The following L3MBTL4 variants were observed in gnomAD, a reference collection of about 807,000 sequenced individuals.
L3MBTL4 encodes lethal(3)malignant brain tumor-like protein 4.
Under a neutral mutation model 84.5 loss-of-function variants are expected in L3MBTL4, and 70 were observed. The ratio of observed to expected loss-of-function variants is 0.83; its 90% CI spans 0.68 to 1.01. The LOEUF is 1.01. Ranked by LOEUF, L3MBTL4 falls within the 50% of genes least tolerant of loss-of-function variation. The pLI is 0.00. For synonymous variants in L3MBTL4, 274 were observed against 259.8 expected (o/e 1.05, Z -0.52); for missense variants, 715 against 754.8 (o/e 0.95, Z 0.62).
At chr18:6,210,150 T>C (rs961028287) in intron 12 of L3MBTL4, among the ~76,000 whole-genome samples, 4 of 152,176 alleles carry the variant, frequency 2.6e-5, no homozygotes, top group African/African-American at 9.7e-5. Flanking sequence ...AAAAAAGGTA[T>C]AATAAAAATA....
At chr18:6,397,270 G>C (rs1053683882) in intron 1 of L3MBTL4, 2 of 152,118 alleles carry the variant, frequency 1.3e-5, no homozygotes, top group Non-Finnish European at 2.9e-5. Context: ...AAGTAAATAA[G>C]CACATTATCT....
At chr18:5,977,289 A>G (rs2052991292) in intron 16 of L3MBTL4, among the ~76,000 whole-genome samples, 1 of 152,106 alleles carries the variant, frequency 6.6e-6, no homozygotes, top group Admixed American at 6.5e-5. Context: ...CCGTCTCCTC[A>G]TGGTTTCCTC....
chr18:6,091,840 A>G, intron 15 of L3MBTL4, among the ~76,000 whole-genome samples: 1 of 152,250 alleles, frequency 6.6e-6, no homozygotes, highest in Non-Finnish European at 1.5e-5. Context: ...AAAATACAAC[A>G]GATTATAGCA....
At chr18:6,297,472 G>C (rs1425493687) in intron 4 of L3MBTL4, among the ~76,000 whole-genome samples, 1 of 152,148 alleles carries the variant, frequency 6.6e-6, no homozygotes, top group Non-Finnish European at 1.5e-5. Flanking sequence ...AGGAGAAACT[G>C]GGTGAAGGGT....
chr18:6,167,807 A>G (rs1338494578), intron 13 of L3MBTL4, among the ~76,000 whole-genome samples: 2 of 152,226 alleles, frequency 1.3e-5, no homozygotes, highest in African/African-American at 4.8e-5. Context: ...TATTCAACAT[A>G]GTATTGGAAG....
rs534728254 is a variant in L3MBTL4, at chr18:6,087,651, A to G, written c.1373+5704T>C. Among the ~76,000 whole-genome samples the G allele has an allele frequency of 1.4e-3, 220 of 152,268 alleles. 1 individual carries two copies. The highest frequency in any genetic ancestry group is 4.8e-3 in the African/African-American group (200 of 41,560). On this transcript the variant is annotated intron_variant, in intron 15 of 18. Coordinates refer to ENST00000317931, the MANE Select transcript of L3MBTL4 (RefSeq NM_001330559.2). ...GGGCTTAATTTAGTTATAGATACTG[A>G]GTATTATCTTAGACCAAATAAATAA...
intron 1 of L3MBTL4, among the ~76,000 whole-genome samples, chr18:6,370,903 G>A (rs17411276): frequency 0.13 from 19,146 of 152,184 alleles, 1,263 homozygotes; most frequent in East Asian, 0.14. Flanking sequence ...ACCAACCAGC[G>A]CTTATCTTTC....
At chr18:6,411,893 A>C (rs1318518099) in intron 1 of L3MBTL4, among the ~76,000 whole-genome samples, 3 of 152,200 alleles carry the variant, frequency 2.0e-5, no homozygotes, top group Non-Finnish European at 4.4e-5. Flanking sequence ...ACAACGCAAA[A>C]TCATTTTGCT....
intron 1 of L3MBTL4, among the ~76,000 whole-genome samples, chr18:6,401,895 C>T (rs1237214133): frequency 1.3e-5 from 2 of 152,188 alleles, no homozygotes; most frequent in Non-Finnish European, 2.9e-5. Context: ...AGGGGCGCAG[C>T]GCCATCAAGG....
chr18:5,958,130 A>ATG (rs2095242439), intron 18 of L3MBTL4, among the ~76,000 whole-genome samples: 1 of 31,814 alleles, frequency 3.1e-5, no homozygotes, highest in Non-Finnish European at 7.8e-5. Context: ...AGAAGAAGAA[A>ATG]AAGAAGAAGA....
Position 6,281,405 on chromosome 18 carries a change from T to C in L3MBTL4, c.128-17367A>G, listed in dbSNP as rs566787759. On this transcript the variant is annotated intron_variant, in intron 4 of 18. Coordinates refer to ENST00000317931, the MANE Select transcript of L3MBTL4 (RefSeq NM_001330559.2). Reference sequence around the variant, plus strand: ...CTACTGTTTTTGTACATAAAGCTTATGGTGTTAATTCTCCAAAATAGTTTT... The same window carrying C: ...CTACTGTTTTTGTACATAAAGCTTACGGTGTTAATTCTCCAAAATAGTTTT... Among the ~76,000 whole-genome samples the C allele has an allele frequency of 5.9e-5, 9 of 152,344 alleles. No homozygotes were observed. In the East Asian group the frequency reaches 1.7e-3, roughly 29 times the overall value.
Position 6,263,941 on chromosome 18 carries a change from G to T in L3MBTL4, c.219+6C>A, listed in dbSNP as rs747705721. 2 of 1,606,876 alleles carry T rather than the reference G, an allele frequency of 1.2e-6. No homozygotes were observed. The highest frequency in any genetic ancestry group is 1.7e-6 in the Non-Finnish European group (2 of 1,173,322). ...TTGCAAAAATATAAGTCCTTCAGTG[G>T]CTGACCTTGGAAAACAGCTCAACAG... On this transcript the variant is annotated splice_donor_region_variant and intron_variant, in intron 5 of 18. Coordinates refer to ENST00000317931, the MANE Select transcript of L3MBTL4 (RefSeq NM_001330559.2).
chr18:6,405,343 T>C (rs1568615072), intron 1 of L3MBTL4, among the ~76,000 whole-genome samples: 2 of 152,198 alleles, frequency 1.3e-5, no homozygotes, highest in Non-Finnish European at 2.9e-5. Context: ...GGGAGCGCAA[T>C]GCGATCCAGC....
chr18:6,367,300 C>T (rs1599796259), intron 1 of L3MBTL4: 1 of 152,280 alleles, frequency 6.6e-6, no homozygotes, highest in East Asian at 1.9e-4. Flanking sequence ...CTCACAGACA[C>T]TCCTGTTACC....
At chr18:6,200,882 G>A (rs1455919918) in intron 12 of L3MBTL4, among the ~76,000 whole-genome samples, 1 of 152,140 alleles carries the variant, frequency 6.6e-6, no homozygotes, top group Non-Finnish European at 1.5e-5. Flanking sequence ...AATGCCAAAG[G>A]CTAGTGCACA....
intron 15 of L3MBTL4, among the ~76,000 whole-genome samples, chr18:6,083,213 G>A (rs539316037): frequency 6.6e-6 from 1 of 152,322 alleles, no homozygotes; most frequent in African/African-American, 2.4e-5. Context: ...ATAAAGGGAA[G>A]TCACAGGCAG....
intron 16 of L3MBTL4, among the ~76,000 whole-genome samples, chr18:5,974,965 T>G (rs2052833201): frequency 6.6e-6 from 1 of 151,948 alleles, no homozygotes; most frequent in East Asian, 1.9e-4. Flanking sequence ...CTGTCTCTAT[T>G]GTTTTGTTTT....
intron 16 of L3MBTL4, among the ~76,000 whole-genome samples, chr18:5,990,682 G>C (rs1465480309): frequency 3.3e-5 from 5 of 152,114 alleles, no homozygotes; most frequent in Admixed American, 3.3e-4. Flanking sequence ...GACTTAGCTA[G>C]CAAATATAGA....
chr18:6,025,370 A>G (rs1195354065), intron 16 of L3MBTL4: 2 of 152,270 alleles, frequency 1.3e-5, no homozygotes, highest in African/African-American at 4.8e-5. Flanking sequence ...CACAGACCTC[A>G]CCGCATCGAA....
Sources: allele counts gnomAD v4.1 joint callset (sites outside exome capture counted in the v4.1 genomes callset), GRCh38; gene constraint gnomAD v4.1.1; transcripts MANE v1.5; gene names NCBI Gene and HGNC (gene_info 2026-07-23, HGNC 2026-07-21).